Variants in LRBA observed in about 807,000 individuals in gnomAD.
The protein encoded by LRBA is lipopolysaccharide-responsive and beige-like anchor protein.
A neutral mutation model predicts 330.0 loss-of-function variants in LRBA; 176 were observed. That is an observed-to-expected ratio of 0.53 (90% CI 0.47 to 0.60). The LOEUF (loss-of-function observed/expected upper bound fraction) is 0.60. Among genes scored for constraint, LRBA ranks in the 20% least tolerant of loss-of-function variants. LRBA has a pLI of 0.00. For synonymous variants in LRBA, 1,230 were observed against 1,193.0 expected (o/e 1.03, Z -0.64); for missense variants, 3,259 against 3,444.8 (o/e 0.95, Z 1.35).
intron 47 of LRBA, among the ~76,000 whole-genome samples, chr4:150,389,378 TAA>T (rs1743550972): frequency 1.3e-4 from 19 of 150,644 alleles, no homozygotes; most frequent in Admixed American, 8.6e-4. Flanking sequence ...AATAAATAAA[TAA>T]ATACTCCATA....
At chr4:150,304,048 C>T (rs959041622) in intron 52 of LRBA, among the ~76,000 whole-genome samples, 3 of 152,100 alleles carry the variant, frequency 2.0e-5, no homozygotes, top group Admixed American at 2.0e-4. Context: ...ACAATGTCTA[C>T]CCTTAATATT....
intron 56 of LRBA, among the ~76,000 whole-genome samples, chr4:150,271,023 G>A (rs781179649): frequency 6.6e-6 from 1 of 152,162 alleles, no homozygotes; most frequent in Non-Finnish European, 1.5e-5. Context: ...ATCTCGTTGG[G>A]ACTGGTTGGA....
intron 40 of LRBA, among the ~76,000 whole-genome samples, chr4:150,527,922 C>T (rs1323692818): frequency 1.3e-5 from 2 of 152,214 alleles, no homozygotes; most frequent in African/African-American, 4.8e-5. Context: ...AATTCCTGTA[C>T]TATCACATTT....
chr4:150,621,807 A>G (rs1776318734), intron 37 of LRBA, among the ~76,000 whole-genome samples: 1 of 152,178 alleles, frequency 6.6e-6, no homozygotes, highest in Admixed American at 6.5e-5. Flanking sequence ...AGTAAGGAGG[A>G]CAGAATGCAA....
intron 2 of LRBA, among the ~76,000 whole-genome samples, chr4:150,984,418 A>G (rs1458496754): frequency 6.6e-6 from 1 of 152,108 alleles, no homozygotes; most frequent in African/African-American, 2.4e-5. Flanking sequence ...CTGAGACAGG[A>G]GAATTGCTTG....
intron 56 of LRBA, among the ~76,000 whole-genome samples, chr4:150,270,693 A>G (rs890545717): frequency 2.0e-5 from 3 of 152,166 alleles, no homozygotes. Context: ...AATTTTTTTT[A>G]AAAGGAACAA....
chr4:150,812,581 T>A (rs1173049791), intron 31 of LRBA, among the ~76,000 whole-genome samples: 1 of 152,130 alleles, frequency 6.6e-6, no homozygotes, highest in Non-Finnish European at 1.5e-5. Flanking sequence ...AAAAACTAAT[T>A]AAACAAATCC....
At chr4:150,745,055 G>A (rs925432524) in intron 35 of LRBA, among the ~76,000 whole-genome samples, 11 of 152,146 alleles carry the variant, frequency 7.2e-5, no homozygotes. Flanking sequence ...CATCCTCTCA[G>A]TGACAGTAAA....
chr4:150,932,472 C>T (rs2149514211), intron 2 of LRBA, among the ~76,000 whole-genome samples: 1 of 151,692 alleles, frequency 6.6e-6, no homozygotes, highest in Admixed American at 6.6e-5. Context: ...ATTAAAAATA[C>T]ACTAATATAC....
At chr4:150,512,717 GAAAAAAAAAAA>G (rs370203536) in intron 40 of LRBA, among the ~76,000 whole-genome samples, 1 of 100,702 alleles carries the variant, frequency 9.9e-6, no homozygotes, top group African/African-American at 4.3e-5. Flanking sequence ...TGCTTTTTGA[GAAAAAAAAAAA>G]AAAAAAAAAA....
At chr4:150,853,377 T>C (rs939876018) in intron 22 of LRBA, among the ~76,000 whole-genome samples, 3 of 152,186 alleles carry the variant, frequency 2.0e-5, no homozygotes, top group African/African-American at 7.2e-5. Context: ...ATCAATTAAT[T>C]ATGCTCACCA....
chr4:150,908,747 C>T lies in LRBA; in HGVS notation c.1272G>A (p.Arg424=). 2 of 1,613,876 alleles carry T rather than the reference C, an allele frequency of 1.2e-6. No homozygotes were observed. Among genetic ancestry groups the T allele is most frequent in the Non-Finnish European group, 1.7e-6 (2 of 1,179,834 alleles). Residue 424 remains arginine, a synonymous_variant, in exon 10 of 57, where the codon CGG becomes CGA. Transcript: ENST00000651943. Reference sequence around the variant, plus strand: ...CAAGACAAAGCTGGGCATCTGTAGCCCGTGGATTGTACGTGAATGCAATGG... The same window carrying T: ...CAAGACAAAGCTGGGCATCTGTAGCTCGTGGATTGTACGTGAATGCAATGG... ...SSAIAFTYNP[R]ATDAQLCLES... is the part of the protein sequence containing the mutation.
chr4:150,764,218 T>C (rs1488721562), intron 34 of LRBA, among the ~76,000 whole-genome samples: 1 of 151,096 alleles, frequency 6.6e-6, no homozygotes, highest in African/African-American at 2.5e-5. Context: ...TTTAGATTAG[T>C]CATTTTACTT....
intron 48 of LRBA, among the ~76,000 whole-genome samples, chr4:150,342,960 A>T (rs1284930133): frequency 2.6e-5 from 4 of 152,106 alleles, no homozygotes; most frequent in South Asian, 2.1e-4. Context: ...CTTTAATATA[A>T]ATCAAGCAGA....
intron 40 of LRBA, among the ~76,000 whole-genome samples, chr4:150,496,871 A>G (rs1759651814): frequency 6.6e-6 from 1 of 152,112 alleles, no homozygotes; most frequent in Non-Finnish European, 1.5e-5. Context: ...AGCCAAATAT[A>G]CAAAATGTAA....
At chr4:150,830,427 A>C (rs1335318753) in intron 29 of LRBA, among the ~76,000 whole-genome samples, 2 of 152,216 alleles carry the variant, frequency 1.3e-5, no homozygotes, top group Non-Finnish European at 2.9e-5. Context: ...GTTGAGAACA[A>C]GTATCAAGGC....
At chr4:150,661,487 AG>A (rs1561487811) in intron 37 of LRBA, among the ~76,000 whole-genome samples, 3 of 150,844 alleles carry the variant, frequency 2.0e-5, no homozygotes, top group Non-Finnish European at 4.4e-5. Context: ...AAAAAAAAAA[AG>A]AAGAAAGAAA....
intron 47 of LRBA, among the ~76,000 whole-genome samples, chr4:150,384,487 G>A (rs1460844391): frequency 6.6e-6 from 1 of 152,186 alleles, no homozygotes; most frequent in Non-Finnish European, 1.5e-5. Context: ...CTGCAAAGGA[G>A]TAAGAGTGGC....
chr4:150,940,300 G>A (rs887384469), intron 2 of LRBA, among the ~76,000 whole-genome samples: 4 of 151,590 alleles, frequency 2.6e-5, no homozygotes, highest in African/African-American at 9.7e-5. Flanking sequence ...TACTCAGGAA[G>A]CTGAGGCAAG....
Sources: allele counts gnomAD v4.1 joint callset (sites outside exome capture counted in the v4.1 genomes callset), GRCh38; gene constraint gnomAD v4.1.1; transcripts MANE v1.5; gene names NCBI Gene and HGNC (gene_info 2026-07-23, HGNC 2026-07-21).